The following SLIT3 variants were observed in gnomAD, a reference collection of about 807,000 sequenced individuals.
SLIT3 encodes the protein slit homolog 3 protein.
In SLIT3, 68 loss-of-function variants were observed where a neutral mutation model predicts 184.0. The ratio of observed to expected loss-of-function variants is 0.37; its 90% CI spans 0.30 to 0.45. The LOEUF (loss-of-function observed/expected upper bound fraction) is 0.45, where lower values mean the gene tolerates loss of function less well. Ranked by LOEUF, SLIT3 falls within the 20% of genes least tolerant of loss-of-function variation. The pLI is 1.00. For missense variants in SLIT3, 1,707 were observed against 2,026.0 expected, an observed-to-expected ratio of 0.84 and a Z score of 3.02; for synonymous variants, 831 against 828.6, an observed-to-expected ratio of 1.00 and a Z score of -0.05.
In SLIT3 at chr5:169,060,979, G is replaced by A. The variant is rs867427323; in HGVS notation, c.413+132500C>T. On this transcript the variant is annotated intron_variant, in intron 4 of 35. Coordinates refer to ENST00000519560, the MANE Select transcript of SLIT3 (RefSeq NM_003062.4). ...AACAGGACTCAAGTCCTGTGCAGTT[G>A]CTTCCTAAGCTGGGTGTTTTTGAGC... Among the ~76,000 whole-genome samples, 6 of 152,284 alleles carry A rather than the reference G, an allele frequency of 3.9e-5. No individual in the cohort carries two copies. The South Asian group carries it at 8.3e-4, about 21-fold the overall frequency.
chr5:168,728,919 A>G (rs1196127540), intron 20 of SLIT3, among the ~76,000 whole-genome samples: 2 of 102,216 alleles, frequency 2.0e-5, no homozygotes, highest in Admixed American at 1.7e-4. Context: ...CTCTGTCTCA[A>G]AAAAAAACCA....
At chr5:168,850,555 A>T (rs909058819) in intron 5 of SLIT3, among the ~76,000 whole-genome samples, 9 of 152,252 alleles carry the variant, frequency 5.9e-5, no homozygotes, top group Non-Finnish European at 1.0e-4. Flanking sequence ...TATTTAGATA[A>T]TTGATTGTTA....
At chr5:168,741,395 C>T (rs879841075) in intron 20 of SLIT3, among the ~76,000 whole-genome samples, 38 of 143,510 alleles carry the variant, frequency 2.6e-4, no homozygotes, top group Admixed American at 1.1e-3. Context: ...GGTGTGAACC[C>T]GGGAGGCAGA....
At chr5:168,944,063 C>T (rs560925397) in intron 4 of SLIT3, among the ~76,000 whole-genome samples, 1 of 152,272 alleles carries the variant, frequency 6.6e-6, no homozygotes, top group African/African-American at 2.4e-5. Context: ...AGTCCCCATC[C>T]TAGGACTAAT....
At chr5:168,807,446 T>A (rs1757007650) in intron 8 of SLIT3, among the ~76,000 whole-genome samples, 1 of 152,212 alleles carries the variant, frequency 6.6e-6, no homozygotes, top group Non-Finnish European at 1.5e-5. Context: ...GCTATGACTA[T>A]TCCCTCAAAG....
At chr5:168,890,393 G>C (rs1027026102) in intron 4 of SLIT3, among the ~76,000 whole-genome samples, 1 of 152,138 alleles carries the variant, frequency 6.6e-6, no homozygotes, top group African/African-American at 2.4e-5. Context: ...TATCTTTCAA[G>C]GTGGACAGTT....
intron 1 of SLIT3, among the ~76,000 whole-genome samples, chr5:169,270,225 C>T (rs918809251): frequency 5.9e-5 from 9 of 152,142 alleles, no homozygotes; most frequent in Admixed American, 5.9e-4. Flanking sequence ...ATTCAATCAG[C>T]GTTTATGAAT....
At chr5:168,885,966 T>C (rs1760190575) in intron 4 of SLIT3, among the ~76,000 whole-genome samples, 1 of 152,146 alleles carries the variant, frequency 6.6e-6, no homozygotes, top group Admixed American at 6.5e-5. Context: ...TGCACTTGGG[T>C]GGGGCAGCGC....
intron 16 of SLIT3, among the ~76,000 whole-genome samples, chr5:168,755,409 C>CTTTCTTTCTTTCTTTCTTTCT (rs1754879740): frequency 4.4e-5 from 1 of 22,498 alleles, no homozygotes; most frequent in African/African-American, 3.5e-4. Flanking sequence ...TTCTTTCTTT[C>CTTTCTTTCTTTCTTTCTTTCT]TTTCTTTCTT....
At chr5:168,928,038 C>T (rs2113151042) in intron 4 of SLIT3, among the ~76,000 whole-genome samples, 1 of 152,348 alleles carries the variant, frequency 6.6e-6, no homozygotes, top group Admixed American at 6.5e-5. Context: ...GTAGCTATTC[C>T]TCACATCAGA....
rs866710237 is a variant in SLIT3, at chr5:168,708,339, C to G, written c.2720-239G>C. The G allele has an allele frequency of 1.0e-4, 59 of 580,034 alleles. No homozygotes were observed. The African/African-American group carries it at 1.1e-3, about 10-fold the overall frequency. 35.9% of individuals were successfully genotyped at this position (580,034 alleles called of 1,614,324 possible). ...CATCATTCAGAAACACTTCTGCAGT[C>G]AAATCAATTACTGTAATTAGCCTGA... is the stretch of plus-strand genomic sequence containing the variant. On this transcript the variant is annotated intron_variant, in intron 25 of 35. Transcript: ENST00000519560.
At chr5:168,814,505 T>C (rs926775179) in intron 8 of SLIT3, among the ~76,000 whole-genome samples, 2 of 152,162 alleles carry the variant, frequency 1.3e-5, no homozygotes, top group Non-Finnish European at 2.9e-5. Flanking sequence ...GGGGCAGGAC[T>C]GGTTGTTGGT....
chr5:168,831,315 G>C lies in SLIT3; in HGVS notation c.558-7984C>G, dbSNP rs141931420. Among the ~76,000 whole-genome samples, 844 of 152,024 alleles carry C rather than the reference G, an allele frequency of 5.6e-3. 7 individuals are homozygous for C. Among genetic ancestry groups the C allele is most frequent in the African/African-American group, 0.019 (803 of 41,468 alleles). On this transcript the variant is annotated intron_variant, in intron 6 of 35. Coordinates refer to ENST00000519560, the MANE Select transcript of SLIT3 (RefSeq NM_003062.4). ...GTGAGAGAGATTGGTGGGGGTGGGGGAGAGTGGAGGGAGAGGTGAGACAAG... is the reference window on the plus strand; with the variant it reads ...GTGAGAGAGATTGGTGGGGGTGGGGCAGAGTGGAGGGAGAGGTGAGACAAG...
chr5:168,703,057 G>A (rs1293014061), intron 26 of SLIT3, among the ~76,000 whole-genome samples: 2 of 152,170 alleles, frequency 1.3e-5, no homozygotes, highest in African/African-American at 4.8e-5. Flanking sequence ...TGGTAATTGG[G>A]CCTGGAAGTG....
At position 168,673,152 on chromosome 5, in the gene SLIT3, A is replaced by G. The variant is rs371307355; in HGVS notation, c.3841+25T>C. The G allele has an allele frequency of 1.7e-5, 27 of 1,611,278 alleles. No homozygotes were observed. In the African/African-American group the frequency reaches 2.9e-4, roughly 18 times the overall value. ...AGCACAGAGGGCCAGAGGGAGGTAG[A>G]GGTGGTAGGGAAAGAGGGCATTACC... On this transcript the variant is annotated intron_variant, in intron 33 of 35. Transcript: ENST00000519560.
intron 3 of SLIT3, among the ~76,000 whole-genome samples, chr5:169,202,816 C>T (rs553852476): frequency 1.2e-4 from 18 of 147,100 alleles, no homozygotes; most frequent in Admixed American, 4.1e-4. Flanking sequence ...CCGCAACACA[C>T]ACATACCAAA....
In SLIT3 at chr5:168,772,765, C is replaced by T. The variant is rs1393182260; in HGVS notation, c.1459+16G>A. The T allele has an allele frequency of 1.9e-6, 3 of 1,613,930 alleles. No homozygotes were observed. The highest frequency in any genetic ancestry group is 1.1e-5 in the South Asian group (1 of 91,070). On this transcript the variant is annotated intron_variant, in intron 14 of 35. Transcript: ENST00000519560. ...TCTGAGTCAGAAAGCGGGGCCCAGC[C>T]CCGTAACCTGATTACCTGAGCAGCG...
intron 4 of SLIT3, among the ~76,000 whole-genome samples, chr5:169,000,958 A>G (rs1458195658): frequency 6.6e-6 from 1 of 152,206 alleles, no homozygotes; most frequent in Non-Finnish European, 1.5e-5. Context: ...TTCTTAGTGA[A>G]TTCTGCACTG....
intron 5 of SLIT3, among the ~76,000 whole-genome samples, chr5:168,863,881 T>C (rs1759200893): frequency 6.6e-6 from 1 of 152,188 alleles, no homozygotes; most frequent in African/African-American, 2.4e-5. Context: ...GCAATTACTG[T>C]CAGCATTTCC....
Sources: gnomAD v4.1 joint callset for allele counts (sites outside exome capture counted in the v4.1 genomes callset) on GRCh38, gnomAD v4.1.1 for gene constraint, MANE v1.5 for transcripts, NCBI Gene and HGNC (gene_info 2026-07-23, HGNC 2026-07-21) for gene names.